Variants in NOP53 observed in about 807,000 individuals in gnomAD.
The protein encoded by NOP53 is NOP53 ribosome biogenesis factor, also known as ribosome biogenesis protein NOP53.
A neutral mutation model predicts 61.0 loss-of-function variants in NOP53; 40 were observed. That is an observed-to-expected ratio of 0.66 (90% CI 0.51 to 0.85). NOP53 has a LOEUF of 0.85. Among genes scored for constraint, NOP53 ranks in the 40% least tolerant of loss-of-function variants. The pLI, the probability that NOP53 is intolerant of heterozygous loss-of-function variation, is 0.00. For synonymous variants in NOP53, 308 were observed against 289.5 expected (o/e 1.06, Z -0.65); for missense variants, 689 against 652.9 (o/e 1.06, Z -0.60).
Position 47,754,934 on chromosome 19 carries a change from CCCTT to C in NOP53, c.1053+55_1053+58del, listed in dbSNP as rs746166694. ...CGGGGCCTGCCTCTGATGCCTCGCCCCCTTCCTTCCTTCCTCCCACCATGGGCTG... is the reference window on the plus strand; with the variant it reads ...CGGGGCCTGCCTCTGATGCCTCGCCCCCTTCCTTCCTCCCACCATGGGCTG... On this transcript the variant is annotated intron_variant, in intron 8 of 12. Coordinates refer to ENST00000246802, the MANE Select transcript of NOP53 (RefSeq NM_015710.5). This position sits in a 1 kb window ranked among gnomAD's most constrained non-coding sequence, Gnocchi z 4.2. 1.2e-5 allele frequency: 17 copies of C among 1,455,908 alleles called. No homozygotes were observed. The highest frequency in any genetic ancestry group is 2.4e-4 in the Middle Eastern group (1 of 4,092). 90.2% of individuals were successfully genotyped at this position (1,455,908 alleles called of 1,614,324 possible).
At chr19:47,745,847 G>A in intron 1 of NOP53, 64 bp downstream of exon 1, 1 of 682,372 alleles carries the variant, frequency 1.5e-6, no homozygotes, top group Non-Finnish European at 2.0e-6. Context: ...GGCCAGGCGT[G>A]CTTGCGTGGA....
chr19:47,754,410 A>T lies in NOP53; in HGVS notation c.766-117A>T, dbSNP rs765954244. 29 of 792,872 alleles carry T rather than the reference A, an allele frequency of 3.7e-5. No individual in the cohort carries two copies. The highest frequency in any genetic ancestry group is 5.7e-5 in the Non-Finnish European group (27 of 476,982). The allele number at this position is 792,872 out of a possible 1,614,324, so 49.1% of individuals were successfully genotyped here. A position where few individuals can be genotyped will look rare whatever the true frequency, so the allele number is the denominator to read the frequency against. ...CTGGTAGACGGGGTGTGGGGAGGAA[A>T]GCCTGGGCCGGGGCGGGATCCACGG... On this transcript the variant is annotated intron_variant, in intron 6 of 12. Coordinates refer to ENST00000246802, the MANE Select transcript of NOP53 (RefSeq NM_015710.5). This position sits in a 1 kb window ranked among gnomAD's most constrained non-coding sequence, Gnocchi z 4.2.
Position 47,755,332 on chromosome 19 carries a change from TC to T in NOP53, c.1054-11del. On this transcript the variant is annotated splice_polypyrimidine_tract_variant and intron_variant, in intron 8 of 12. Coordinates refer to ENST00000246802, the MANE Select transcript of NOP53 (RefSeq NM_015710.5). ...GCAGCACCGGCCTGAGCCCTGACCC[TC>T]CCCCGTCTCCACAGCGGGTACAGCA... The T allele has an allele frequency of 3.4e-6, 5 of 1,473,254 alleles. No homozygotes were observed. Among genetic ancestry groups the T allele is most frequent in the Non-Finnish European group, 4.5e-6 (5 of 1,118,710 alleles). 91.3% of individuals were successfully genotyped at this position (1,473,254 alleles called of 1,614,324 possible).
At position 47,755,752 on chromosome 19, in the gene NOP53, G is replaced by C. The variant is rs1369859350; in HGVS notation, c.1230-4G>C. On this transcript the variant is annotated splice_polypyrimidine_tract_variant and splice_region_variant and intron_variant, in intron 9 of 12. Transcript: ENST00000246802. ...TATTTCTGAACACCCGCCCTGTTCTGCAGGTACCAGGCACCTGACATCGAC... is the reference window on the plus strand; with the variant it reads ...TATTTCTGAACACCCGCCCTGTTCTCCAGGTACCAGGCACCTGACATCGAC... The C allele has an allele frequency of 6.2e-7, 1 of 1,608,022 alleles. No homozygotes were observed. The highest frequency in any genetic ancestry group is 8.5e-7 in the Non-Finnish European group (1 of 1,177,738).
chr19:47,751,072 T>C lies in NOP53; in HGVS notation c.563T>C (p.Val188Ala). 1 of 1,608,994 alleles carries C rather than the reference T, an allele frequency of 6.2e-7. No individual in the cohort carries two copies. The highest frequency in any genetic ancestry group is 2.2e-5 in the East Asian group (1 of 44,742). ...TRAKPGPQDT[V>A]ERPFYDLWAS... The stretch of plus-strand genomic sequence containing the variant: ...GCCAAGCCCGGGCCCCAGGACACCG[T>C]AGAGCGGCCCTTCTACGACCTCTGG... Residue 188 changes from valine to alanine, a missense_variant, in exon 4 of 13, where the codon GTA (valine) becomes GCA (alanine). Physicochemically the swap from Val to Ala is moderately conservative, Grantham distance 64. Transcript: ENST00000246802.
At chr19:47,752,672 C>A in intron 6 of NOP53, 65 bp downstream of exon 6, 2 of 999,044 alleles carry the variant, frequency 2.0e-6, no homozygotes, top group Non-Finnish European at 3.2e-6. Context: ...CCTTCACTAG[C>A]TTCCTCCCTG....
chr19:47,752,658 C>A, intron 6 of NOP53, 51 bp downstream of exon 6: 3 of 1,104,808 alleles, frequency 2.7e-6, no homozygotes, highest in South Asian at 2.5e-5. Context: ...GCCTCTTGGT[C>A]AGGCCTTCAC....
intron 12 of NOP53, 105 bp downstream of exon 12, chr19:47,756,849 C>G: frequency 6.6e-7 from 1 of 1,508,680 alleles, no homozygotes; most frequent in African/African-American, 1.4e-5. Flanking sequence ...GGCTGAGCCA[C>G]ACCCCCTTGG....
intron 5 of NOP53, 76 bp downstream of exon 5, chr19:47,751,666 A>G (rs994934414): frequency 6.2e-6 from 7 of 1,134,792 alleles, no homozygotes; most frequent in East Asian, 2.4e-5. Context: ...TTCCTGCAGT[A>G]GAGTCTGTCT....
At chr19:47,746,923 C>T (rs561432217) in intron 1 of NOP53, 44 bp from the exon 2 acceptor site, 3 of 1,539,946 alleles carry the variant, frequency 1.9e-6, no homozygotes, top group Admixed American at 1.7e-5. Context: ...AATCTCTTTC[C>T]TCTCCAACAT....
At chr19:47,746,035 C>T (rs572229235) in intron 1 of NOP53, 2 of 499,434 alleles carry the variant, frequency 4.0e-6, no homozygotes, top group South Asian at 6.6e-5. Context: ...TTTAGGTAAA[C>T]AATGAATAAT....
At chr19:47,753,658 G>C (rs751301753) in intron 6 of NOP53, 5 of 152,224 alleles carry the variant, frequency 3.3e-5, no homozygotes, top group Non-Finnish European at 5.9e-5. Flanking sequence ...TTGAAAGCGT[G>C]AGGGTGCCGC....
At chr19:47,749,018 G>A (rs766401350) in intron 2 of NOP53, among the ~76,000 whole-genome samples, 1 of 151,902 alleles carries the variant, frequency 6.6e-6, no homozygotes, top group East Asian at 1.9e-4. Context: ...AAAATTAGCC[G>A]AGCGTGGTGG....
chr19:47,756,766 G>A (rs557307077), intron 12 of NOP53, 22 bp downstream of exon 12: 18 of 1,611,348 alleles, frequency 1.1e-5, no homozygotes, highest in South Asian at 6.6e-5. Context: ...CGGCTTCGGC[G>A]CAAGGAAGGG....
Position 47,750,220 on chromosome 19 carries a change from T to C in NOP53, c.332T>C (p.Leu111Pro), listed in dbSNP as rs746705150. The C allele has an allele frequency of 1.1e-5, 17 of 1,613,236 alleles. No homozygotes were observed. Among genetic ancestry groups the C allele is most frequent in the Admixed American group, 1.7e-5 (1 of 59,992 alleles). Residue 111 changes from leucine to proline, a missense_variant, in exon 3 of 13, where the codon CTT (leucine) becomes CCT (proline). By Grantham distance (98) the Leu-to-Pro change is moderately conservative. Coordinates refer to ENST00000246802, the MANE Select transcript of NOP53 (RefSeq NM_015710.5). ...KRTKVQKKSL[L>P]LKKPLRVDLI... ...ACCAAAGTCCAGAAGAAGTCACTGC[T>C]TCTCAAGAAACCCCTTCGGGTTGAC...
At chr19:47,752,830 C>T in intron 6 of NOP53, 1 of 526,640 alleles carries the variant, frequency 1.9e-6, no homozygotes, top group South Asian at 2.7e-5. Flanking sequence ...CCTGGGGGGT[C>T]AGGAAGGGCT....
chr19:47,745,977 T>C lies in NOP53; in HGVS notation c.224+194T>C, dbSNP rs1967058245. 6.2e-5 allele frequency: 33 copies of C among 528,142 alleles called. No homozygotes were observed. In the South Asian group the frequency reaches 8.4e-4, roughly 13 times the overall value. 32.7% of individuals were successfully genotyped at this position (528,142 alleles called of 1,614,324 possible). ...GGGAAGCTGGAGAGCTTGATAGAGT[T>C]ACCAGATTTAGCAGATAAATATACA... On this transcript the variant is annotated intron_variant, in intron 1 of 12. Transcript: ENST00000246802.
At chr19:47,748,222 G>A (rs564167782) in intron 2 of NOP53, among the ~76,000 whole-genome samples, 2 of 152,178 alleles carry the variant, frequency 1.3e-5, no homozygotes, top group South Asian at 4.2e-4. Context: ...GCTGCGCCTG[G>A]CCAAGATGAG....
At chr19:47,750,025 G>A (rs1967105404) in intron 2 of NOP53, among the ~76,000 whole-genome samples, 153 bp from the exon 3 acceptor site, 1 of 152,156 alleles carries the variant, frequency 6.6e-6, no homozygotes, top group African/African-American at 2.4e-5. Context: ...ATCCTTAGGG[G>A]CCTCTACCTC....
Sources: gnomAD v4.1 joint callset for allele counts (sites outside exome capture counted in the v4.1 genomes callset) on GRCh38, gnomAD v4.1.1 for gene constraint, Gnocchi (gnomAD v3.1) non-coding constraint, MANE v1.5 for transcripts, NCBI Gene and HGNC (gene_info 2026-07-23, HGNC 2026-07-21) for gene names.